The following FNDC3B variants were observed in gnomAD, a reference collection of about 807,000 sequenced individuals.
FNDC3B encodes the protein fibronectin type III domain containing 3B.
FNDC3B carries 12 observed loss-of-function variants against 151.5 expected under a neutral mutation model. The ratio of observed to expected loss-of-function variants is 0.08; its 90% CI spans 0.05 to 0.13. FNDC3B has a LOEUF of 0.13. Ranked by LOEUF, FNDC3B falls within the 10% of genes least tolerant of loss-of-function variation. FNDC3B has a pLI of 1.00. For synonymous variants in FNDC3B, 528 were observed against 549.0 expected, an observed-to-expected ratio of 0.96 and a Z score of 0.54; for missense variants, 1,214 against 1,505.3, an observed-to-expected ratio of 0.81 and a Z score of 3.20.
intron 1 of FNDC3B, among the ~76,000 whole-genome samples, chr3:172,072,115 T>A (rs1483470503): frequency 1.3e-5 from 2 of 149,398 alleles, no homozygotes; most frequent in Non-Finnish European, 3.0e-5. Context: ...TCCAATAGAA[T>A]TGTTGAAATT....
chr3:172,245,382 G>A (rs1402939527), intron 4 of FNDC3B, among the ~76,000 whole-genome samples: 1 of 152,100 alleles, frequency 6.6e-6, no homozygotes. Flanking sequence ...TAAACCTCTA[G>A]AAAACAAGTA....
intron 6 of FNDC3B, among the ~76,000 whole-genome samples, chr3:172,259,038 T>G (rs1457323853): frequency 1.6e-4 from 24 of 152,234 alleles, no homozygotes; most frequent in Non-Finnish European, 4.4e-5. Context: ...GATACATTTT[T>G]AATATTGCTT....
At position 172,154,531 on chromosome 3, in the gene FNDC3B, T is replaced by A. The variant is rs548430485; in HGVS notation, c.187+20985T>A. On this transcript the variant is annotated intron_variant, in intron 3 of 25. Transcript: ENST00000415807. ...TATGGTTTCTTCTAAGAAGTGATCG[T>A]AGAACTTTGTCTTCAGTTACTCCCA... is the stretch of plus-strand genomic sequence containing the variant. Among the ~76,000 whole-genome samples the A allele has an allele frequency of 2.0e-4, 30 of 152,290 alleles. No homozygotes were observed. In the East Asian group the frequency reaches 4.3e-3, roughly 22 times the overall value.
At chr3:172,377,291 C>CT (rs1268710665) in intron 23 of FNDC3B, among the ~76,000 whole-genome samples, 2 of 152,180 alleles carry the variant, frequency 1.3e-5, no homozygotes, top group Non-Finnish European at 2.9e-5. Context: ...GTTGGATTAA[C>CT]TTATGTAGTG....
intron 3 of FNDC3B, among the ~76,000 whole-genome samples, chr3:172,165,306 A>G (rs1722955692): frequency 6.6e-6 from 1 of 152,194 alleles, no homozygotes; most frequent in Non-Finnish European, 1.5e-5. Context: ...CACCACATCT[A>G]GCCAGGAATA....
chr3:172,199,996 A>G (rs1189534156), intron 3 of FNDC3B, among the ~76,000 whole-genome samples: 1 of 98,222 alleles, frequency 1.0e-5, no homozygotes, highest in Non-Finnish European at 2.3e-5. Context: ...GTTTTACAAT[A>G]CTTTGTATTC....
rs1029236763 is a variant in FNDC3B at position 172,347,256 on chromosome 3, A to G, written c.2409A>G (p.Glu803=). The G allele has an allele frequency of 6.2e-7, 1 of 1,614,088 alleles. No homozygotes were observed. Among genetic ancestry groups the G allele is most frequent in the African/African-American group, 1.3e-5 (1 of 75,034 alleles). ...CTGACATCTCAGAGTACAGGTTGGA[A>G]TGGGGAGAAGATGAAGAATCCTTAG... ...SGADISEYRL[E]WGEDEESLEL... The change falls in exon 21 of 26, where the codon GAA becomes GAG. Residue 803 remains glutamate, a synonymous_variant. Transcript: ENST00000415807.
At chr3:172,298,424 A>G (rs529938273) in intron 8 of FNDC3B, among the ~76,000 whole-genome samples, 1 of 152,348 alleles carries the variant, frequency 6.6e-6, no homozygotes, top group East Asian at 1.9e-4. Context: ...TTGTTCATTC[A>G]TTCATTTGCT....
intron 23 of FNDC3B, among the ~76,000 whole-genome samples, chr3:172,367,011 G>A (rs1166581886): frequency 2.0e-5 from 3 of 152,180 alleles, no homozygotes. Context: ...ATCCCAAAGA[G>A]CATCTTGCCC....
At chr3:172,195,606 A>T (rs1221412404) in intron 3 of FNDC3B, among the ~76,000 whole-genome samples, 1 of 152,174 alleles carries the variant, frequency 6.6e-6, no homozygotes, top group Non-Finnish European at 1.5e-5. Context: ...CTATGCCTGG[A>T]GGTGCTTGTT....
rs142426821 is a variant in FNDC3B at position 172,131,795 on chromosome 3, G to A, written c.112-1676G>A. ...AAAGTTTTACAAAACAAATTATAGT[G>A]TATACAGTAAATAAAGTTGACTTTT... On this transcript the variant is annotated intron_variant, in intron 2 of 25. Transcript: ENST00000415807. 4.6e-3 allele frequency among the ~76,000 whole-genome samples: 693 copies of A among 152,090 alleles called. 4 individuals are homozygous for A. Among genetic ancestry groups the A allele is most frequent in the African/African-American group, 0.015 (635 of 41,476 alleles).
chr3:172,053,733 T>C (rs1443213463), intron 1 of FNDC3B, among the ~76,000 whole-genome samples: 1 of 149,660 alleles, frequency 6.7e-6, no homozygotes, highest in Non-Finnish European at 1.5e-5. Flanking sequence ...GACTGCGCCA[T>C]TGCCCTGCAC....
intron 17 of FNDC3B, among the ~76,000 whole-genome samples, chr3:172,341,622 C>G (rs1190689260): frequency 6.6e-6 from 1 of 152,196 alleles, no homozygotes. Flanking sequence ...GTTACCACAT[C>G]TATCAATTTT....
At chr3:172,147,389 G>T (rs1336830068) in intron 3 of FNDC3B, among the ~76,000 whole-genome samples, 2 of 151,842 alleles carry the variant, frequency 1.3e-5, no homozygotes, top group Non-Finnish European at 2.9e-5. Flanking sequence ...GCTGCTGTGA[G>T]CCCTGTTTTC....
chr3:172,139,530 A>G (rs951655392), intron 3 of FNDC3B, among the ~76,000 whole-genome samples: 2 of 152,144 alleles, frequency 1.3e-5, no homozygotes, highest in Admixed American at 1.3e-4. Context: ...GAAATTTGCA[A>G]CCAGTTTTTT....
At chr3:172,118,753 A>G (rs1720385894) in intron 2 of FNDC3B, among the ~76,000 whole-genome samples, 1 of 152,164 alleles carries the variant, frequency 6.6e-6, no homozygotes, top group Non-Finnish European at 1.5e-5. Context: ...AACCTGTGCA[A>G]ATACTTAAAT....
intron 3 of FNDC3B, among the ~76,000 whole-genome samples, chr3:172,226,086 T>A (rs373079841): frequency 7.9e-5 from 12 of 151,662 alleles, no homozygotes; most frequent in Admixed American, 7.9e-4. Context: ...GGCAGGCGGG[T>A]CTTGAGGTCA....
At chr3:172,067,861 C>T (rs555185443) in intron 1 of FNDC3B, among the ~76,000 whole-genome samples, 72 of 152,294 alleles carry the variant, frequency 4.7e-4, no homozygotes, top group East Asian at 1.9e-4. Context: ...GTTTCCTTCT[C>T]CTGTCTGTTT....
rs1736442002 is a variant in FNDC3B, at chr3:172,399,210, T to C, written c.*1735T>C. Reference sequence around the variant, plus strand: ...TGCCAATTACAGTGCAATCTTTATTTATTGTAAAATTTTTTAAGTGTACTT... The same window carrying C: ...TGCCAATTACAGTGCAATCTTTATTCATTGTAAAATTTTTTAAGTGTACTT... On this transcript the variant is annotated 3_prime_UTR_variant, in exon 26 of 26. Transcript: ENST00000415807. 6.5e-6 allele frequency: 1 copy of C among 152,682 alleles called. No individual in the cohort carries two copies. 9.5% of individuals were successfully genotyped at this position (152,682 alleles called of 1,614,324 possible). A position where few individuals can be genotyped will look rare whatever the true frequency, so the allele number is the denominator to read the frequency against.
Sources: gnomAD v4.1 joint callset for allele counts (sites outside exome capture counted in the v4.1 genomes callset) on GRCh38, gnomAD v4.1.1 for gene constraint, MANE v1.5 for transcripts, NCBI Gene and HGNC (gene_info 2026-07-23, HGNC 2026-07-21) for gene names.